NRXN3: variants seen among roughly 807,000 people sequenced by gnomAD.
NRXN3 encodes the protein neurexin III.
In NRXN3, 32 loss-of-function variants were observed where a neutral mutation model predicts 137.6. The ratio of observed to expected loss-of-function variants is 0.23; its 90% CI spans 0.18 to 0.31. The LOEUF (loss-of-function observed/expected upper bound fraction) is 0.31. Ranked by LOEUF, NRXN3 falls within the 10% of genes least tolerant of loss-of-function variation. The probability of loss-of-function intolerance (pLI) is 1.00; values close to 1 mark genes in which losing one functional copy is unlikely to be tolerated. For missense variants in NRXN3, 1,574 were observed against 2,062.5 expected (o/e 0.76, Z 4.59); for synonymous variants, 798 against 784.5 (o/e 1.02, Z -0.29).
chr14:79,697,517 T>A, intron 18 of NRXN3, 113 bp from the exon 19 acceptor site: 1 of 1,089,388 alleles, frequency 9.2e-7, no homozygotes, highest in South Asian at 1.6e-5. Flanking sequence ...TATTTTTTCC[T>A]CCCCTTCAAT....
At chr14:78,631,388 C>T (rs1348627397) in intron 4 of NRXN3, among the ~76,000 whole-genome samples, 2 of 152,142 alleles carry the variant, frequency 1.3e-5, no homozygotes, top group Admixed American at 6.5e-5. Context: ...GTACAAATAT[C>T]ACAACTTCTC....
rs567806601 is a variant in NRXN3, at chr14:79,127,494, G to A, written c.3262+139353G>A. Among the ~76,000 whole-genome samples the A allele has an allele frequency of 1.5e-3, 234 of 152,140 alleles. 2 individuals are homozygous for A. The highest frequency in any genetic ancestry group is 5.3e-3 in the African/African-American group (221 of 41,490). ...AAAAATCAGATAGTTGTAGATATGC[G>A]GCGTTATTTCTGAGGGCTCTGTTCT... On this transcript the variant is annotated intron_variant, in intron 15 of 20. Coordinates refer to ENST00000335750, the MANE Select transcript of NRXN3 (RefSeq NM_001330195.2).
chr14:79,490,237 CT>C (rs1373786060), intron 16 of NRXN3, among the ~76,000 whole-genome samples: 1 of 152,018 alleles, frequency 6.6e-6, no homozygotes. Context: ...AGTACAATCA[CT>C]ATAGAGAACA....
At chr14:79,710,675 G>GTTTGAC (rs1418924961) in intron 19 of NRXN3, among the ~76,000 whole-genome samples, 3 of 152,164 alleles carry the variant, frequency 2.0e-5, no homozygotes, top group Non-Finnish European at 2.9e-5. Context: ...TTCAATTTTA[G>GTTTGAC]TTTGACTTTG....
chr14:79,837,611 G>GAA (rs2099346854), intron 20 of NRXN3, among the ~76,000 whole-genome samples: 1 of 152,138 alleles, frequency 6.6e-6, no homozygotes, highest in Non-Finnish European at 1.5e-5. Flanking sequence ...GCCACAAATA[G>GAA]TGAACGCCAC....
chr14:79,512,719 A>G (rs193194977), intron 16 of NRXN3, among the ~76,000 whole-genome samples: 1 of 152,316 alleles, frequency 6.6e-6, no homozygotes, highest in East Asian at 1.9e-4. Flanking sequence ...GGAAGGTATA[A>G]TTAATATGTT....
chr14:79,445,151 C>A (rs1398908713), intron 15 of NRXN3, among the ~76,000 whole-genome samples: 1 of 151,936 alleles, frequency 6.6e-6, no homozygotes, highest in African/African-American at 2.4e-5. Flanking sequence ...ACCATCCTGG[C>A]CAACATGGTG....
intron 16 of NRXN3, among the ~76,000 whole-genome samples, chr14:79,518,264 A>T (rs2097018375): frequency 1.3e-5 from 2 of 152,146 alleles, no homozygotes; most frequent in Admixed American, 6.5e-5. Context: ...TTCTTTTAAT[A>T]ATTTGTATAT....
At chr14:78,729,894 C>A (rs1018145289) in intron 8 of NRXN3, among the ~76,000 whole-genome samples, 3 of 152,166 alleles carry the variant, frequency 2.0e-5, no homozygotes, top group Non-Finnish European at 4.4e-5. Context: ...GAATGCAAAG[C>A]AAAATGAATG....
intron 19 of NRXN3, among the ~76,000 whole-genome samples, chr14:79,741,702 T>G (rs1235341562): frequency 6.6e-6 from 1 of 151,832 alleles, no homozygotes. Context: ...GCCAGGCTGG[T>G]CTCAAACTCC....
chr14:79,812,534 T>A (rs2099237874), intron 20 of NRXN3, among the ~76,000 whole-genome samples: 1 of 151,914 alleles, frequency 6.6e-6, no homozygotes, highest in Non-Finnish European at 1.5e-5. Flanking sequence ...TCACACAAGA[T>A]GATGCCAAGC....
At chr14:79,473,197 G>A (rs899691904) in intron 16 of NRXN3, among the ~76,000 whole-genome samples, 1 of 152,040 alleles carries the variant, frequency 6.6e-6, no homozygotes, top group East Asian at 1.9e-4. Context: ...ATTTCACGGT[G>A]GCAAAGTGTT....
chr14:79,725,056 G>A (rs531706122), intron 19 of NRXN3, among the ~76,000 whole-genome samples: 1 of 152,264 alleles, frequency 6.6e-6, no homozygotes, highest in Admixed American at 6.5e-5. Context: ...ACTACTCATT[G>A]CCAGACCTTC....
chr14:78,403,665 G>GA, intron 4 of NRXN3: 1 of 960,982 alleles, frequency 1.0e-6, no homozygotes, highest in Non-Finnish European at 1.2e-6. Context: ...GCAAAATCAC[G>GA]AACACCGAGG....
chr14:78,525,928 G>A (rs1350167236), intron 4 of NRXN3, among the ~76,000 whole-genome samples: 2 of 152,106 alleles, frequency 1.3e-5, no homozygotes, highest in African/African-American at 4.8e-5. Flanking sequence ...TTCTGGTTCT[G>A]TTTTAGTGAC....
chr14:78,670,801 G>T (rs899039789), intron 6 of NRXN3, among the ~76,000 whole-genome samples: 75 of 152,178 alleles, frequency 4.9e-4, no homozygotes, highest in African/African-American at 1.7e-3. Context: ...CCAGGTAAGG[G>T]CAGGAAGAAG....
intron 4 of NRXN3, among the ~76,000 whole-genome samples, chr14:78,612,694 A>C (rs1363805678): frequency 1.3e-5 from 2 of 152,110 alleles, no homozygotes; most frequent in African/African-American, 2.4e-5. Flanking sequence ...CTAGTCTGGT[A>C]CTCAGTTGAG....
At chr14:79,853,499 G>A (rs2099396230) in intron 20 of NRXN3, 2 of 1,214,432 alleles carry the variant, frequency 1.6e-6, no homozygotes, top group African/African-American at 1.6e-5. Context: ...GCATGTGTAG[G>A]CTCATTTGTT....
chr14:78,842,565 G>A (rs369694216), intron 10 of NRXN3, among the ~76,000 whole-genome samples: 5 of 152,098 alleles, frequency 3.3e-5, no homozygotes, highest in African/African-American at 4.8e-5. Context: ...GGCACGCATT[G>A]TCATTGATAA....
Sources: gnomAD v4.1 joint callset for allele counts (sites outside exome capture counted in the v4.1 genomes callset) on GRCh38, gnomAD v4.1.1 for gene constraint, MANE v1.5 for transcripts, NCBI Gene and HGNC (gene_info 2026-07-23, HGNC 2026-07-21) for gene names.